The following CCDC102B variants were observed in gnomAD, a reference collection of about 807,000 sequenced individuals.
CCDC102B encodes coiled-coil domain containing 102B.
CCDC102B carries 75 observed loss-of-function variants against 57.4 expected under a neutral mutation model. The ratio of observed to expected loss-of-function variants is 1.31; its 90% confidence interval spans 1.08 to 1.58. CCDC102B has a LOEUF of 1.58. CCDC102B is among the 40% of genes most tolerant of loss of function. The pLI is 0.00. For missense variants in CCDC102B, 636 were observed against 582.6 expected, an observed-to-expected ratio of 1.09 and a Z score of -0.94; for synonymous variants, 206 against 201.9, an observed-to-expected ratio of 1.02 and a Z score of -0.17.
rs540348966 is a variant in CCDC102B, at chr18:69,044,062, C to A, written c.1435-9968C>A. Among the ~76,000 whole-genome samples the A allele has an allele frequency of 6.3e-4, 96 of 152,128 alleles. 1 individual carries two copies. The highest frequency in any genetic ancestry group is 2.3e-3 in the African/African-American group (94 of 41,526). On this transcript the variant is annotated intron_variant, in intron 7 of 7. Coordinates refer to ENST00000360242, the MANE Select transcript of CCDC102B (RefSeq NM_024781.3). ...GTTTTTTAAAAAGAACAAACAAAAC[C>A]AAACCAAAACCAAAGCAAAAAATAC...
chr18:68,994,271 A>T (rs942360941), intron 6 of CCDC102B, among the ~76,000 whole-genome samples: 2 of 152,202 alleles, frequency 1.3e-5, no homozygotes, highest in Non-Finnish European at 2.9e-5. Context: ...TCTTTTGTGA[A>T]GTATACAGTG....
At chr18:69,002,386 G>A (rs907993008) in intron 6 of CCDC102B, among the ~76,000 whole-genome samples, 3 of 152,126 alleles carry the variant, frequency 2.0e-5, no homozygotes, top group Non-Finnish European at 2.9e-5. Context: ...CTTGGTCAAA[G>A]ATACTCACAT....
chr18:68,962,119 T>C (rs1194092533), intron 6 of CCDC102B, among the ~76,000 whole-genome samples: 9 of 152,168 alleles, frequency 5.9e-5, no homozygotes, highest in Non-Finnish European at 1.3e-4. Flanking sequence ...TTTTCTAATG[T>C]ATTGTAGCAT....
At chr18:68,981,345 T>G (rs1339215451) in intron 6 of CCDC102B, among the ~76,000 whole-genome samples, 6 of 151,992 alleles carry the variant, frequency 3.9e-5, no homozygotes, top group African/African-American at 1.2e-4. Context: ...AGGGAAGTTT[T>G]ATTGGACTAA....
At chr18:69,051,598 A>G (rs1471661384) in intron 7 of CCDC102B, among the ~76,000 whole-genome samples, 1 of 152,040 alleles carries the variant, frequency 6.6e-6, no homozygotes, top group African/African-American at 2.4e-5. Flanking sequence ...GAACTGGGAA[A>G]AAGAGATCTT....
At chr18:69,022,220 T>TAA (rs1187296528) in intron 7 of CCDC102B, among the ~76,000 whole-genome samples, 326 of 67,414 alleles carry the variant, frequency 4.8e-3, no homozygotes, top group African/African-American at 0.014. Context: ...TATATATATA[T>TAA]ATAACACACA....
intron 6 of CCDC102B, among the ~76,000 whole-genome samples, chr18:68,942,699 G>C (rs1388269007): frequency 6.6e-6 from 1 of 151,918 alleles, no homozygotes; most frequent in Admixed American, 6.6e-5. Flanking sequence ...ATATACAATC[G>C]GGTTTTACAT....
At chr18:68,978,913 A>G (rs1170690596) in intron 6 of CCDC102B, among the ~76,000 whole-genome samples, 2 of 152,074 alleles carry the variant, frequency 1.3e-5, no homozygotes, top group African/African-American at 4.8e-5. Context: ...ATAGAACAAA[A>G]CACAAACATG....
At chr18:68,850,773 A>T (rs1361570590) in intron 4 of CCDC102B, among the ~76,000 whole-genome samples, 1 of 151,962 alleles carries the variant, frequency 6.6e-6, no homozygotes, top group Non-Finnish European at 1.5e-5. Context: ...AAAGGAACCA[A>T]ACTTCTTCCT....
chr18:68,781,708 T>A (rs1276189730), intron 2 of CCDC102B, among the ~76,000 whole-genome samples: 25 of 152,192 alleles, frequency 1.6e-4, no homozygotes, highest in Non-Finnish European at 3.7e-4. Context: ...ATTTTGTTAT[T>A]TTAAAAATTG....
intron 1 of CCDC102B, among the ~76,000 whole-genome samples, chr18:68,828,322 C>CA (rs58180806): frequency 0.012 from 987 of 80,786 alleles, 25 homozygotes; most frequent in African/African-American, 0.02. Context: ...ACCCTATTTA[C>CA]AAAAAAAAAA....
At chr18:68,936,542 C>T (rs1322701189) in intron 6 of CCDC102B, among the ~76,000 whole-genome samples, 1 of 151,836 alleles carries the variant, frequency 6.6e-6, no homozygotes, top group Admixed American at 6.6e-5. Context: ...CCTTGTATTA[C>T]CTTTATTACT....
chr18:68,938,101 A>C (rs151330070), intron 6 of CCDC102B, among the ~76,000 whole-genome samples: 89 of 152,130 alleles, frequency 5.9e-4, no homozygotes, highest in African/African-American at 2.1e-3. Flanking sequence ...AAAAGGTCTC[A>C]ACTCAGACCT....
In CCDC102B at chr18:68,810,945, A is replaced by G. The variant is rs146129716; in HGVS notation, c.-16+12764A>G. On this transcript the variant is annotated intron_variant, in intron 1 of 7. Transcript: ENST00000360242. ...CTCCCACTTATGAGTGAGAACATGC[A>G]GTGTTTGGTTTTCTGTTCCTGTGTT... Among the ~76,000 whole-genome samples, 1,402 of 151,992 alleles carry G rather than the reference A, an allele frequency of 9.2e-3. 15 individuals are homozygous for G. Among genetic ancestry groups the G allele is most frequent in the African/African-American group, 0.032 (1,330 of 41,478 alleles).
chr18:69,025,037 A>C (rs1157685581), intron 7 of CCDC102B, among the ~76,000 whole-genome samples: 1 of 152,138 alleles, frequency 6.6e-6, no homozygotes, highest in East Asian at 1.9e-4. Context: ...TAAAATAAAT[A>C]TAATCATGCT....
At chr18:68,765,077 G>T (rs1599427456) in intron 2 of CCDC102B, among the ~76,000 whole-genome samples, 1 of 27,392 alleles carries the variant, frequency 3.7e-5, no homozygotes, top group Non-Finnish European at 9.2e-5. Context: ...AAATAAATAA[G>T]CTGGGGATGG....
At chr18:68,774,486 C>A (rs575528430) in intron 2 of CCDC102B, among the ~76,000 whole-genome samples, 3 of 151,620 alleles carry the variant, frequency 2.0e-5, no homozygotes, top group Non-Finnish European at 4.4e-5. Flanking sequence ...TATCATGGTC[C>A]ACAAAATTTC....
chr18:69,034,398 A>ACTTCATTATACC (rs2052230196), intron 7 of CCDC102B, among the ~76,000 whole-genome samples: 1 of 151,986 alleles, frequency 6.6e-6, no homozygotes, highest in South Asian at 2.1e-4. Context: ...AATGGTATAA[A>ACTTCATTATACC]GTGCAGGTTC....
At chr18:68,886,766 T>A (rs1278167381) in intron 5 of CCDC102B, among the ~76,000 whole-genome samples, 1 of 152,094 alleles carries the variant, frequency 6.6e-6, no homozygotes, top group African/African-American at 2.4e-5. Context: ...GTTTATTCCA[T>A]GCATCTAGTT....
Sources: gnomAD v4.1 joint callset for allele counts (sites outside exome capture counted in the v4.1 genomes callset) on GRCh38, gnomAD v4.1.1 for gene constraint, MANE v1.5 for transcripts, NCBI Gene and HGNC (gene_info 2026-07-23, HGNC 2026-07-21) for gene names.